LHX8: variants seen among roughly 807,000 people sequenced by gnomAD.
LHX8 encodes LIM/homeobox protein Lhx8.
LHX8 carries 12 observed loss-of-function variants against 40.3 expected under a neutral mutation model. The ratio of observed to expected loss-of-function variants is 0.30; its 90% CI spans 0.19 to 0.48. The LOEUF is 0.48. LHX8 is among the 20% of genes least tolerant of loss of function. LHX8 has a pLI of 0.99. For missense variants in LHX8, 344 were observed against 433.7 expected (o/e 0.79, Z 1.84); for synonymous variants, 179 against 162.0 (o/e 1.10, Z -0.80).
the LHX8 span, among the ~76,000 whole-genome samples, chr1:75,189,451 A>G: frequency 2.4e-3 from 372 of 152,340 alleles, 1 homozygote; most frequent in Middle Eastern, 0.014. Flanking sequence ...AGGAACTAGC[A>G]GCCCATTCTA....
intron 5 of LHX8, 100 bp downstream of exon 5, chr1:75,143,438 T>C: frequency 1.2e-6 from 1 of 801,566 alleles, no homozygotes; most frequent in Non-Finnish European, 1.9e-6. Flanking sequence ...TTTTGTACAA[T>C]GTATAAGTGT....
At position 75,156,961 on chromosome 1, in the gene LHX8, A is replaced by C; in HGVS notation, c.849A>C (p.Pro283=). ...HVSPNHSSST[P]VTAVPPSRLS... ...GTCCTAATCACTCATCCTCCACCCC[A>C]GTCACAGCAGTCCCACCCTCCAGGC... The change falls in exon 8 of 9, where the codon CCA becomes CCC. Residue 283 remains proline (P), a synonymous_variant. Coordinates refer to ENST00000356261, the MANE Select transcript of LHX8 (RefSeq NM_001256114.2). 6.2e-7 allele frequency: 1 copy of C among 1,614,122 alleles called. No individual in the cohort carries two copies. Among genetic ancestry groups the C allele is most frequent in the Non-Finnish European group, 8.5e-7 (1 of 1,179,978 alleles).
At chr1:75,179,266 G>A in the LHX8 span, among the ~76,000 whole-genome samples, 2 of 152,178 alleles carry the variant, frequency 1.3e-5, no homozygotes, top group African/African-American at 4.8e-5. Flanking sequence ...ACTATTGACA[G>A]TGGTGTGTTA....
upstream of LHX8, among the ~76,000 whole-genome samples, chr1:75,129,466 C>T (rs11162571): frequency 0.93 from 141,173 of 152,282 alleles, 65,460 homozygotes; most frequent in East Asian, 0.98. Context: ...CATAGCTTTA[C>T]GAGTTACACC....
chr1:75,143,444 AGT>A, intron 5 of LHX8, 106 bp downstream of exon 5: 1 of 786,622 alleles, frequency 1.3e-6, no homozygotes, highest in East Asian at 2.7e-5. Context: ...ACAATGTATA[AGT>A]GTGGTAAAAC....
At chr1:75,169,975 G>T in the LHX8 span, among the ~76,000 whole-genome samples, 44 of 152,318 alleles carry the variant, frequency 2.9e-4, no homozygotes, top group African/African-American at 1.0e-3. Flanking sequence ...CTAGGAGCCT[G>T]CCAGCTATGC....
the LHX8 span, among the ~76,000 whole-genome samples, chr1:75,197,973 A>C: frequency 3.9e-5 from 6 of 152,194 alleles, no homozygotes; most frequent in Admixed American, 1.3e-4. Flanking sequence ...ATTAGAGAAC[A>C]AGTAAAGATT....
At chr1:75,176,343 G>C in the LHX8 span, among the ~76,000 whole-genome samples, 1 of 152,106 alleles carries the variant, frequency 6.6e-6, no homozygotes, top group Admixed American at 6.6e-5. Flanking sequence ...ATTGTTTCCT[G>C]ACTTTTTAAT....
upstream of LHX8, among the ~76,000 whole-genome samples, chr1:75,133,974 G>C (rs887187578): frequency 6.6e-6 from 1 of 152,138 alleles, no homozygotes; most frequent in East Asian, 1.9e-4. Context: ...GGCATTCCTC[G>C]GCTACACCGG....
chr1:75,142,831 A>G (rs1648352932), intron 4 of LHX8, among the ~76,000 whole-genome samples: 1 of 152,178 alleles, frequency 6.6e-6, no homozygotes, highest in African/African-American at 2.4e-5. Context: ...ATTTGATACA[A>G]CAAAAGGGAT....
Position 75,152,353 on chromosome 1 carries a change from AT to A in LHX8, c.780+3678del, listed in dbSNP as rs200514906. Among the ~76,000 whole-genome samples the A allele has an allele frequency of 8.6e-4, 131 of 152,206 alleles. 2 individuals carry two copies. In the South Asian group the frequency reaches 0.025, roughly 29 times the overall value. On this transcript the variant is annotated intron_variant, in intron 7 of 8. Transcript: ENST00000356261. ...TGAAGTCAAAGAATAAAGATGAGTGATTTTTTTCCCCACACACTGCATCCAG... is the reference window on the plus strand; with the variant it reads ...TGAAGTCAAAGAATAAAGATGAGTGATTTTTTCCCCACACACTGCATCCAG...
chr1:75,195,609 C>T, the LHX8 span, among the ~76,000 whole-genome samples: 1 of 152,078 alleles, frequency 6.6e-6, no homozygotes, highest in East Asian at 1.9e-4. Context: ...CCATTGTCCT[C>T]CTGCTTCAAA....
chr1:75,182,992 C>G, the LHX8 span: 1 of 152,144 alleles, frequency 6.6e-6, no homozygotes, highest in Admixed American at 6.5e-5. Context: ...TATGAGCCAG[C>G]TGCCCTTGGG....
At chr1:75,181,717 C>T in the LHX8 span, among the ~76,000 whole-genome samples, 29 of 152,334 alleles carry the variant, frequency 1.9e-4, no homozygotes, top group African/African-American at 5.8e-4. Context: ...ACTTTCCGAG[C>T]AGTCCCAATG....
At chr1:75,195,828 ATCTT>A in the LHX8 span, among the ~76,000 whole-genome samples, 933 of 151,762 alleles carry the variant, frequency 6.1e-3, 11 homozygotes, top group African/African-American at 0.021. Flanking sequence ...TGCCTTTAAT[ATCTT>A]TCTTTCTTCA....
chr1:75,197,803 TG>T, the LHX8 span, among the ~76,000 whole-genome samples: 1 of 151,954 alleles, frequency 6.6e-6, no homozygotes, highest in Non-Finnish European at 1.5e-5. Flanking sequence ...AGAAGCAGAA[TG>T]AAAAAAGTCT....
downstream of LHX8, among the ~76,000 whole-genome samples, chr1:75,163,392 AC>A (rs1648970102): frequency 1.3e-5 from 2 of 152,194 alleles, no homozygotes; most frequent in South Asian, 4.1e-4. Context: ...GGATGACTTT[AC>A]CAGTTAGCAA....
chr1:75,179,369 A>G, the LHX8 span, among the ~76,000 whole-genome samples: 1 of 152,092 alleles, frequency 6.6e-6, no homozygotes, highest in African/African-American at 2.4e-5. Context: ...TATTGGGTGC[A>G]TATATATTTA....
chr1:75,176,761 G>T, the LHX8 span, among the ~76,000 whole-genome samples: 9 of 152,224 alleles, frequency 5.9e-5, no homozygotes, highest in African/African-American at 1.7e-4. Flanking sequence ...CCTATGTCCC[G>T]AATGGTATTG....
Sources: allele counts gnomAD v4.1 joint callset (sites outside exome capture counted in the v4.1 genomes callset), GRCh38; gene constraint gnomAD v4.1.1; transcripts MANE v1.5; gene names NCBI Gene and HGNC (gene_info 2026-07-23, HGNC 2026-07-21).